Variants in CNTN5 observed in about 807,000 individuals in gnomAD.
CNTN5 encodes contactin 5.
Under a neutral mutation model 129.1 loss-of-function variants are expected in CNTN5, and 77 were observed. The observed-to-expected ratio is 0.60, with a 90% confidence interval of 0.50 to 0.72. CNTN5 has a LOEUF of 0.72. Among genes scored for constraint, CNTN5 ranks in the 30% least tolerant of loss-of-function variants. CNTN5 has a pLI of 0.00. For synonymous variants in CNTN5, 509 were observed against 465.6 expected (o/e 1.09, Z -1.20); for missense variants, 1,478 against 1,328.8 (o/e 1.11, Z -1.75).
At chr11:99,582,757 C>A (rs1176038880) in intron 3 of CNTN5, among the ~76,000 whole-genome samples, 1 of 152,044 alleles carries the variant, frequency 6.6e-6, no homozygotes, top group Non-Finnish European at 1.5e-5. Flanking sequence ...AACTTCTTTG[C>A]CATTGGTTCA....
chr11:99,432,722 A>G (rs1308227487), intron 2 of CNTN5, among the ~76,000 whole-genome samples: 2 of 152,024 alleles, frequency 1.3e-5, no homozygotes, highest in Admixed American at 1.3e-4. Context: ...CAGAAAATAG[A>G]AGATGAAATT....
At position 100,118,888 on chromosome 11, in the gene CNTN5, A is replaced by T. The variant is rs191436537; in HGVS notation, c.1580+44594A>T. Among the ~76,000 whole-genome samples, 982 of 151,960 alleles carry T rather than the reference A, an allele frequency of 6.5e-3. 8 individuals are homozygous for T. The highest frequency in any genetic ancestry group is 0.021 in the African/African-American group (864 of 41,526). The stretch of plus-strand genomic sequence containing the variant: ...TAACTAAAAAGCATTATTCACATAA[A>T]GTTCTTTGGATTTTTCAAATTACAT... On this transcript the variant is annotated intron_variant, in intron 13 of 24. Transcript: ENST00000524871.
At chr11:99,639,427 G>A (rs1294716066) in intron 3 of CNTN5, among the ~76,000 whole-genome samples, 2 of 152,156 alleles carry the variant, frequency 1.3e-5, no homozygotes, top group Admixed American at 1.3e-4. Flanking sequence ...AATTTTTGCA[G>A]CCAGCTTAAA....
chr11:99,590,861 G>T (rs111597492), intron 3 of CNTN5, among the ~76,000 whole-genome samples: 3 of 152,106 alleles, frequency 2.0e-5, no homozygotes, highest in African/African-American at 7.2e-5. Context: ...AGAAAAAGTT[G>T]TTCAGAATAT....
chr11:99,559,272 A>C (rs1948764984), intron 3 of CNTN5, among the ~76,000 whole-genome samples: 1 of 152,096 alleles, frequency 6.6e-6, no homozygotes, highest in African/African-American at 2.4e-5. Flanking sequence ...GTTTGAACCA[A>C]AAAGACTAAC....
chr11:99,146,822 A>G (rs1197495734), intron 1 of CNTN5, among the ~76,000 whole-genome samples: 1 of 152,024 alleles, frequency 6.6e-6, no homozygotes, highest in African/African-American at 2.4e-5. Flanking sequence ...CCTGGACTCA[A>G]TTGATCCTCC....
At chr11:100,257,069 A>C (rs993286944) in intron 17 of CNTN5, among the ~76,000 whole-genome samples, 3 of 152,134 alleles carry the variant, frequency 2.0e-5, no homozygotes, top group Non-Finnish European at 4.4e-5. Flanking sequence ...CAACAGTCTG[A>C]AGTTGACCTG....
intron 3 of CNTN5, among the ~76,000 whole-genome samples, chr11:99,611,145 A>G (rs1240052446): frequency 6.6e-6 from 1 of 152,202 alleles, no homozygotes; most frequent in Non-Finnish European, 1.5e-5. Context: ...TCATTTTCCT[A>G]TAGATGCTGC....
chr11:99,523,470 C>T (rs534368088), intron 2 of CNTN5, among the ~76,000 whole-genome samples: 3 of 152,174 alleles, frequency 2.0e-5, no homozygotes, highest in South Asian at 4.1e-4. Context: ...TCGTGTGTGC[C>T]TGTCATTCCA....
intron 1 of CNTN5, among the ~76,000 whole-genome samples, chr11:99,224,733 G>A (rs2135711811): frequency 6.8e-6 from 1 of 147,402 alleles, no homozygotes; most frequent in African/African-American, 2.5e-5. Flanking sequence ...TCTCGGCTGG[G>A]TGCAACCTCC....
At chr11:99,531,292 A>G (rs187149537) in intron 2 of CNTN5, among the ~76,000 whole-genome samples, 2 of 152,330 alleles carry the variant, frequency 1.3e-5, no homozygotes, top group Admixed American at 1.3e-4. Flanking sequence ...GAGATGATTT[A>G]GGGTTTCTGG....
intron 3 of CNTN5, among the ~76,000 whole-genome samples, chr11:99,690,246 T>C (rs963429628): frequency 6.6e-6 from 1 of 152,168 alleles, no homozygotes. Context: ...TATTGGTATG[T>C]GGCTTTAGTT....
chr11:99,784,069 C>T (rs1246294956), intron 3 of CNTN5, among the ~76,000 whole-genome samples: 1 of 151,970 alleles, frequency 6.6e-6, no homozygotes, highest in Admixed American at 6.6e-5. Flanking sequence ...AATGTATGTA[C>T]ACATAGTATT....
chr11:99,845,146 A>C lies in CNTN5; in HGVS notation c.461A>C (p.Asp154Ala). The change falls in exon 6 of 25, where the codon GAT (aspartate) becomes GCT (alanine). Residue 154 changes from aspartate to alanine, a missense_variant. By Grantham distance (126) the Asp-to-Ala change is moderately radical. Coordinates refer to ENST00000524871, the MANE Select transcript of CNTN5 (RefSeq NM_014361.4). Reference protein sequence around the residue: ...LESDYRYSLIDGTFIISNPSE... With the variant: ...LESDYRYSLIAGTFIISNPSE... Reference sequence around the variant, plus strand: ...AGTGATTATCGCTACAGTTTGATAGATGGCACCTTCATTATAAGCAATCCA... The same window carrying C: ...AGTGATTATCGCTACAGTTTGATAGCTGGCACCTTCATTATAAGCAATCCA... 1 of 1,613,808 alleles carries C rather than the reference A, an allele frequency of 6.2e-7. No individual in the cohort carries two copies. Among genetic ancestry groups the C allele is most frequent in the Non-Finnish European group, 8.5e-7 (1 of 1,179,834 alleles).
chr11:99,653,139 A>G (rs1489011415), intron 3 of CNTN5, among the ~76,000 whole-genome samples: 9 of 152,056 alleles, frequency 5.9e-5, no homozygotes, highest in Admixed American at 4.6e-4. Flanking sequence ...AGGGAGATCC[A>G]TATTAAATAC....
intron 2 of CNTN5, among the ~76,000 whole-genome samples, chr11:99,408,466 GA>G (rs948980033): frequency 3.6e-4 from 48 of 133,114 alleles, no homozygotes; most frequent in Admixed American, 6.7e-4. Flanking sequence ...AAGAAAGAAA[GA>G]AAGAAAGAAA....
chr11:99,855,608 G>A (rs1565609178), intron 6 of CNTN5, among the ~76,000 whole-genome samples: 1 of 152,158 alleles, frequency 6.6e-6, no homozygotes, highest in Non-Finnish European at 1.5e-5. Flanking sequence ...CCATCTAGAG[G>A]ATGAGGCTGA....
At chr11:99,489,276 AC>A (rs1222040544) in intron 2 of CNTN5, among the ~76,000 whole-genome samples, 1 of 152,150 alleles carries the variant, frequency 6.6e-6, no homozygotes, top group East Asian at 1.9e-4. Flanking sequence ...AGTTTGCATT[AC>A]TCTAGAGAGT....
At chr11:100,190,733 T>A (rs2138501526) in intron 13 of CNTN5, among the ~76,000 whole-genome samples, 1 of 151,732 alleles carries the variant, frequency 6.6e-6, no homozygotes, top group South Asian at 2.1e-4. Context: ...TATGCTGTTT[T>A]TTTTTTTTAT....
Sources: gnomAD v4.1 joint callset for allele counts (sites outside exome capture counted in the v4.1 genomes callset) on GRCh38, gnomAD v4.1.1 for gene constraint, MANE v1.5 for transcripts, NCBI Gene and HGNC (gene_info 2026-07-23, HGNC 2026-07-21) for gene names.